Variants in USH2A observed in about 807,000 individuals in gnomAD.
USH2A encodes the protein Usher syndrome 2A (autosomal recessive, mild).
A neutral mutation model predicts 538.9 loss-of-function variants in USH2A; 443 were observed. That is an observed-to-expected ratio of 0.82 (90% CI 0.76 to 0.89). USH2A has a LOEUF of 0.89. Ranked by LOEUF, USH2A falls within the 40% of genes least tolerant of loss-of-function variation. The pLI, the probability that USH2A is intolerant of heterozygous loss-of-function variation, is 0.00. For synonymous variants in USH2A, 2,413 were observed against 2,273.5 expected (o/e 1.06, Z -1.75); for missense variants, 6,633 against 6,324.8 (o/e 1.05, Z -1.65).
At chr1:216,120,275 C>T (rs1377861283) in intron 21 of USH2A, among the ~76,000 whole-genome samples, 1 of 148,340 alleles carries the variant, frequency 6.7e-6, no homozygotes, top group African/African-American at 2.5e-5. Flanking sequence ...TGGCTCACGC[C>T]TGTAATCCCA....
chr1:216,192,982 G>C (rs532161973), intron 19 of USH2A, among the ~76,000 whole-genome samples: 1 of 152,042 alleles, frequency 6.6e-6, no homozygotes, highest in Non-Finnish European at 1.5e-5. Context: ...GCAGAGAGAC[G>C]TGTGATACAG....
chr1:216,393,693 C>T (rs530208405), intron 3 of USH2A, among the ~76,000 whole-genome samples: 1 of 152,232 alleles, frequency 6.6e-6, no homozygotes, highest in East Asian at 1.9e-4. Context: ...CACGTTCAGC[C>T]TATCTCTCCC....
intron 3 of USH2A, among the ~76,000 whole-genome samples, chr1:216,388,502 C>T (rs568713699): frequency 2.6e-5 from 4 of 152,176 alleles, no homozygotes; most frequent in Admixed American, 6.5e-5. Flanking sequence ...AATATTATGA[C>T]TTGGAAGGAA....
intron 4 of USH2A, among the ~76,000 whole-genome samples, chr1:216,363,649 T>C (rs746792321): frequency 5.9e-5 from 9 of 152,086 alleles, no homozygotes; most frequent in Non-Finnish European, 1.2e-4. Flanking sequence ...TTCCATAAAA[T>C]AACTGCTAAT....
chr1:216,194,570 T>C (rs1411341820), intron 19 of USH2A, among the ~76,000 whole-genome samples: 1 of 152,062 alleles, frequency 6.6e-6, no homozygotes, highest in Non-Finnish European at 1.5e-5. Context: ...GTAAGACATA[T>C]GTGTTCTAGA....
chr1:216,144,285 C>T (rs931443386), intron 21 of USH2A, among the ~76,000 whole-genome samples: 18 of 151,988 alleles, frequency 1.2e-4, no homozygotes, highest in Non-Finnish European at 2.1e-4. Context: ...ACAAAGAAGA[C>T]TTCTCTTAGA....
intron 16 of USH2A, 72 bp downstream of exon 16, chr1:216,207,201 C>T: frequency 6.3e-7 from 1 of 1,581,106 alleles, no homozygotes; most frequent in South Asian, 1.1e-5. Context: ...CATTTATCCT[C>T]AATGTCAAAG....
intron 23 of USH2A, among the ~76,000 whole-genome samples, chr1:216,088,528 T>C (rs560274796): frequency 6.6e-6 from 1 of 152,294 alleles, no homozygotes; most frequent in East Asian, 1.9e-4. Flanking sequence ...TATAATTACA[T>C]AAATGTGGCA....
intron 21 of USH2A, among the ~76,000 whole-genome samples, chr1:216,112,060 C>T (rs1010265416): frequency 6.6e-6 from 1 of 152,008 alleles, no homozygotes; most frequent in African/African-American, 2.4e-5. Flanking sequence ...AGAAATGTCT[C>T]CATTCATAAA....
chr1:215,829,075 T>A (rs1297050211), intron 47 of USH2A, among the ~76,000 whole-genome samples: 1 of 152,130 alleles, frequency 6.6e-6, no homozygotes, highest in Non-Finnish European at 1.5e-5. Context: ...ATGTAGGCCA[T>A]GGCCAGACAT....
chr1:216,003,070 G>A (rs1368583431), intron 32 of USH2A, among the ~76,000 whole-genome samples: 8 of 152,040 alleles, frequency 5.3e-5, no homozygotes, highest in Admixed American at 1.3e-4. Context: ...ATCCGTGCCC[G>A]GATTCTTCCA....
chr1:215,866,017 A>T (rs1664458777), intron 44 of USH2A, among the ~76,000 whole-genome samples: 1 of 152,172 alleles, frequency 6.6e-6, no homozygotes, highest in Non-Finnish European at 1.5e-5. Context: ...GTGACTTTTC[A>T]TCTTTTTATA....
intron 1 of USH2A, among the ~76,000 whole-genome samples, chr1:216,422,804 G>A (rs2039702167): frequency 6.6e-6 from 1 of 150,972 alleles, no homozygotes; most frequent in African/African-American, 2.4e-5. Context: ...TATAATATAT[G>A]TGTGTGTTTT....
intron 21 of USH2A, among the ~76,000 whole-genome samples, chr1:216,134,450 T>A (rs2033439893): frequency 6.6e-6 from 1 of 152,088 alleles, no homozygotes; most frequent in African/African-American, 2.4e-5. Context: ...ATAAGGGATG[T>A]CATCTTAAAG....
chr1:215,895,429 G>C (rs1429396512), intron 40 of USH2A, among the ~76,000 whole-genome samples: 3 of 152,190 alleles, frequency 2.0e-5, no homozygotes, highest in Non-Finnish European at 1.5e-5. Context: ...CAGAGGAAGT[G>C]ACACTTGAGC....
At chr1:216,389,121 C>T (rs2039055140) in intron 3 of USH2A, among the ~76,000 whole-genome samples, 1 of 152,144 alleles carries the variant, frequency 6.6e-6, no homozygotes, top group African/African-American at 2.4e-5. Context: ...ACTACTTTAT[C>T]ATCGCATGCT....
chr1:216,397,054 T>C (rs2039224416), intron 3 of USH2A, among the ~76,000 whole-genome samples: 1 of 152,178 alleles, frequency 6.6e-6, no homozygotes, highest in Admixed American at 6.5e-5. Flanking sequence ...CTTGCACACC[T>C]GAGAAGAATG....
At chr1:216,384,359 GTAAGA>G (rs1313618489) in intron 3 of USH2A, among the ~76,000 whole-genome samples, 45 of 151,986 alleles carry the variant, frequency 3.0e-4, no homozygotes, top group African/African-American at 1.0e-3. Context: ...CCTATGTAAG[GTAAGA>G]TAAGTACGAG....
At chr1:215,982,925 A>T (rs1425864108) in intron 35 of USH2A, among the ~76,000 whole-genome samples, 1 of 152,074 alleles carries the variant, frequency 6.6e-6, no homozygotes, top group African/African-American at 2.4e-5. Flanking sequence ...CTTATCTGAG[A>T]AACTGACCTT....
Sources: gnomAD v4.1 joint callset for allele counts (sites outside exome capture counted in the v4.1 genomes callset) on GRCh38, gnomAD v4.1.1 for gene constraint, MANE v1.5 for transcripts, NCBI Gene and HGNC (gene_info 2026-07-23, HGNC 2026-07-21) for gene names.